The following RBL1 variants were observed in gnomAD, a reference collection of about 807,000 sequenced individuals.
RBL1 encodes the protein RB transcriptional corepressor like 1.
A neutral mutation model predicts 123.0 loss-of-function variants in RBL1; 82 were observed. The ratio of observed to expected loss-of-function variants is 0.67; its 90% CI spans 0.56 to 0.80. RBL1 has a LOEUF of 0.80. Among genes scored for constraint, RBL1 ranks in the 30% least tolerant of loss-of-function variants. The probability of loss-of-function intolerance (pLI) is 0.00; values close to 1 mark genes in which losing one functional copy is unlikely to be tolerated. For missense variants in RBL1, 1,171 were observed against 1,299.6 expected (o/e 0.90, Z 1.52); for synonymous variants, 405 against 441.3 (o/e 0.92, Z 1.03).
chr20:37,042,224 G>A (rs928028586), intron 13 of RBL1, among the ~76,000 whole-genome samples: 5 of 151,940 alleles, frequency 3.3e-5, no homozygotes, highest in Admixed American at 3.3e-4. Flanking sequence ...TACAAAATGG[G>A]CAAAAGATCT....
chr20:37,002,336 G>GGTTTTTTTT (rs2063998882), intron 21 of RBL1, among the ~76,000 whole-genome samples: 1 of 76,324 alleles, frequency 1.3e-5, no homozygotes, highest in Non-Finnish European at 2.5e-5. Context: ...AGCCTTATCT[G>GGTTTTTTTT]TTTTTTTTTT....
intron 1 of RBL1, among the ~76,000 whole-genome samples, chr20:37,094,990 A>G (rs918670757): frequency 6.6e-6 from 1 of 152,198 alleles, no homozygotes; most frequent in African/African-American, 2.4e-5. Flanking sequence ...GAGCCTTGCC[A>G]TTATCACCTG....
intron 7 of RBL1, 48 bp from the exon 8 acceptor site, chr20:37,062,318 T>C: frequency 1.3e-6 from 2 of 1,576,612 alleles, no homozygotes; most frequent in Non-Finnish European, 1.7e-6. Context: ...ACACAATGGA[T>C]TTATTTTGAC....
At chr20:37,076,557 G>T (rs1347660367) in intron 2 of RBL1, among the ~76,000 whole-genome samples, 1 of 152,160 alleles carries the variant, frequency 6.6e-6, no homozygotes, top group Non-Finnish European at 1.5e-5. Flanking sequence ...GATAGCACAA[G>T]ATTTCATTAT....
chr20:37,092,986 C>T (rs1429824017), intron 1 of RBL1, among the ~76,000 whole-genome samples: 2 of 152,140 alleles, frequency 1.3e-5, no homozygotes, highest in African/African-American at 4.8e-5. Context: ...CAGAACTTCA[C>T]ATCTGGAGCT....
Position 36,996,398 on chromosome 20 carries a change from A to G in RBL1, c.*2361T>C, listed in dbSNP as rs1477652041. On this transcript the variant is annotated 3_prime_UTR_variant, in exon 22 of 22. Coordinates refer to ENST00000373664, the MANE Select transcript of RBL1 (RefSeq NM_002895.5). ...AATTTTTATTAGCCATTCTATGTAC[A>G]TTGATACCAAGTCCTGAAAACTGAT... is the stretch of plus-strand genomic sequence containing the variant. 1 of 152,128 alleles carries G rather than the reference A, an allele frequency of 6.6e-6. No individual in the cohort carries two copies. Among genetic ancestry groups the G allele is most frequent in the African/African-American group, 2.4e-5 (1 of 41,422 alleles). The allele number at this position is 152,128 out of a possible 1,614,324, so 9.4% of individuals were successfully genotyped here.
chr20:37,092,306 G>C (rs1323718668), intron 1 of RBL1, among the ~76,000 whole-genome samples: 1 of 152,032 alleles, frequency 6.6e-6, no homozygotes, highest in African/African-American at 2.4e-5. Context: ...TTATTGTTTC[G>C]ATTTTTTTAA....
chr20:37,088,062 C>T (rs369347917), intron 2 of RBL1, among the ~76,000 whole-genome samples: 5 of 151,858 alleles, frequency 3.3e-5, no homozygotes, highest in Admixed American at 3.3e-4. Context: ...GTCGGGAGTT[C>T]GAGACCAGCC....
chr20:37,018,205 T>G, intron 19 of RBL1, 74 bp downstream of exon 19: 1 of 1,403,530 alleles, frequency 7.1e-7, no homozygotes, highest in Non-Finnish European at 9.3e-7. Flanking sequence ...TTCCATGTTG[T>G]CTGACACCCA....
At chr20:37,069,087 G>A (rs1187747767) in intron 2 of RBL1, among the ~76,000 whole-genome samples, 1 of 152,268 alleles carries the variant, frequency 6.6e-6, no homozygotes, top group Non-Finnish European at 1.5e-5. Context: ...TGATCCGCCA[G>A]CCTCGGCCTC....
chr20:37,050,408 G>A (rs2064888902), intron 11 of RBL1, among the ~76,000 whole-genome samples: 1 of 151,582 alleles, frequency 6.6e-6, no homozygotes, highest in African/African-American at 2.4e-5. Context: ...AGCCAGGTGT[G>A]GTGGCTGGCA....
chr20:37,070,489 A>G (rs1411868649), intron 2 of RBL1, among the ~76,000 whole-genome samples: 1 of 151,974 alleles, frequency 6.6e-6, no homozygotes, highest in African/African-American at 2.4e-5. Context: ...AATTTAAAAA[A>G]AAAAACATAA....
chr20:37,067,959 T>A (rs771142895), intron 3 of RBL1, 27 bp downstream of exon 3: 8 of 1,597,238 alleles, frequency 5.0e-6, no homozygotes, highest in Non-Finnish European at 6.8e-6. Context: ...AATCTTTATG[T>A]CAATTATATA....
chr20:37,010,572 C>T (rs1035649943), intron 19 of RBL1, among the ~76,000 whole-genome samples: 4 of 152,104 alleles, frequency 2.6e-5, no homozygotes. Context: ...TCCTAAGGTA[C>T]AAACCTGTAC....
chr20:37,059,963 G>A (rs1368822606), intron 9 of RBL1, among the ~76,000 whole-genome samples: 2 of 151,696 alleles, frequency 1.3e-5, no homozygotes, highest in Non-Finnish European at 2.9e-5. Flanking sequence ...ATCTGAGGTC[G>A]GGAGTTTGAG....
intron 16 of RBL1, among the ~76,000 whole-genome samples, chr20:37,023,743 TG>T (rs1393152173): frequency 6.6e-6 from 1 of 151,662 alleles, no homozygotes; most frequent in Admixed American, 6.6e-5. Flanking sequence ...AACCGTGATG[TG>T]GTATTCCTAA....
Position 37,032,886 on chromosome 20 carries a change from T to C in RBL1, c.2171-10A>G, listed in dbSNP as rs2064537520. ...GCATCATTTGCGACACCTGAATGTA[T>C]AAGCATTATTAGAAATAATCTGCAT... On this transcript the variant is annotated splice_polypyrimidine_tract_variant and intron_variant, in intron 15 of 21. Transcript: ENST00000373664. 1 of 1,613,424 alleles carries C rather than the reference T, an allele frequency of 6.2e-7. No individual in the cohort carries two copies. The highest frequency in any genetic ancestry group is 2.2e-5 in the East Asian group (1 of 44,844).
chr20:37,035,698 C>A (rs974311823), intron 14 of RBL1, among the ~76,000 whole-genome samples, 190 bp from the exon 15 acceptor site: 1 of 152,134 alleles, frequency 6.6e-6, no homozygotes, highest in South Asian at 2.1e-4. Flanking sequence ...TACGATAAAA[C>A]GTGAAAATTA....
chr20:37,040,053 A>G (rs961852840), intron 14 of RBL1, 100 bp downstream of exon 14: 9 of 1,523,226 alleles, frequency 5.9e-6, no homozygotes, highest in Non-Finnish European at 6.3e-6. Context: ...TGAATAAATT[A>G]GATTTCTTAA....
Sources: gnomAD v4.1 joint callset for allele counts (sites outside exome capture counted in the v4.1 genomes callset) on GRCh38, gnomAD v4.1.1 for gene constraint, MANE v1.5 for transcripts, NCBI Gene and HGNC (gene_info 2026-07-23, HGNC 2026-07-21) for gene names.